Variants in CDH4 observed in about 807,000 individuals in gnomAD.
The protein encoded by CDH4 is cadherin-4.
In CDH4, 33 loss-of-function variants were observed where a neutral mutation model predicts 86.0. The ratio of observed to expected loss-of-function variants is 0.38; its 90% confidence interval spans 0.29 to 0.51. CDH4 has a LOEUF of 0.51. Ranked by LOEUF, CDH4 falls within the 20% of genes least tolerant of loss-of-function variation. The probability of loss-of-function intolerance (pLI) is 0.86; values close to 1 mark genes in which losing one functional copy is unlikely to be tolerated. For synonymous variants in CDH4, 555 were observed against 549.4 expected, an observed-to-expected ratio of 1.01 and a Z score of -0.14; for missense variants, 1,114 against 1,307.4, an observed-to-expected ratio of 0.85 and a Z score of 2.28.
intron 6 of CDH4, among the ~76,000 whole-genome samples, chr20:61,869,520 G>A (rs763304465): frequency 3.9e-5 from 6 of 152,356 alleles, no homozygotes; most frequent in African/African-American, 9.6e-5. Context: ...ACCCAGCCAC[G>A]TTCCTCGTCT....
At chr20:61,803,135 G>A (rs527272437) in intron 4 of CDH4, among the ~76,000 whole-genome samples, 1 of 152,330 alleles carries the variant, frequency 6.6e-6, no homozygotes, top group African/African-American at 2.4e-5. Context: ...TCGCAGCTCC[G>A]TCGTTGACGG....
At chr20:61,630,218 G>A (rs2086873009) in intron 2 of CDH4, among the ~76,000 whole-genome samples, 1 of 152,200 alleles carries the variant, frequency 6.6e-6, no homozygotes, top group African/African-American at 2.4e-5. Flanking sequence ...GTTATGCCTT[G>A]GTGTGTGTGC....
At chr20:61,915,561 G>A (rs552141033) in intron 9 of CDH4, among the ~76,000 whole-genome samples, 2 of 152,364 alleles carry the variant, frequency 1.3e-5, no homozygotes, top group East Asian at 3.9e-4. Flanking sequence ...AAGCTGCTCA[G>A]CCGTCAAAAG....
At position 61,264,868 on chromosome 20, in the gene CDH4, T is replaced by C. The variant is rs960863119; in HGVS notation, c.169+9931T>C. ...TCCTACACATACCCCAGTGGCTTCT[T>C]CATTCAGTCCTACACATACCCCAGT... On this transcript the variant is annotated intron_variant, in intron 2 of 15. Transcript: ENST00000614565. 3.5e-5 allele frequency among the ~76,000 whole-genome samples: 5 copies of C among 144,740 alleles called. No individual in the cohort carries two copies. In the East Asian group the frequency reaches 8.7e-4, roughly 25 times the overall value. 95.0% of individuals were successfully genotyped at this position (144,740 alleles called of 152,430 possible). A position where few individuals can be genotyped will look rare whatever the true frequency, so the allele number is the denominator to read the frequency against.
chr20:61,658,636 T>A (rs1180309315), intron 2 of CDH4, among the ~76,000 whole-genome samples: 1 of 152,118 alleles, frequency 6.6e-6, no homozygotes, highest in Non-Finnish European at 1.5e-5. Flanking sequence ...CCCATACATG[T>A]CCTGGCCCAG....
At chr20:61,607,264 C>G (rs1198505186) in intron 2 of CDH4, among the ~76,000 whole-genome samples, 1 of 152,170 alleles carries the variant, frequency 6.6e-6, no homozygotes, top group African/African-American at 2.4e-5. Flanking sequence ...GAGATGTTTT[C>G]CTTGCTAATA....
chr20:61,555,892 T>C (rs951890911), intron 2 of CDH4, among the ~76,000 whole-genome samples: 1 of 152,224 alleles, frequency 6.6e-6, no homozygotes. Context: ...CGTGTGACAA[T>C]GTGATTCCAT....
intron 3 of CDH4, among the ~76,000 whole-genome samples, chr20:61,751,330 G>T (rs1314799963): frequency 6.6e-6 from 1 of 152,136 alleles, no homozygotes; most frequent in Non-Finnish European, 1.5e-5. Context: ...AATGTTCCCT[G>T]GGGGGCAAAA....
chr20:61,352,295 A>G (rs549273096), intron 2 of CDH4, among the ~76,000 whole-genome samples: 5 of 152,336 alleles, frequency 3.3e-5, no homozygotes, highest in African/African-American at 9.6e-5. Flanking sequence ...ATTGAAATAC[A>G]TGCCGTGTCG....
chr20:61,787,511 C>G (rs1978947597), intron 4 of CDH4, among the ~76,000 whole-genome samples: 1 of 152,200 alleles, frequency 6.6e-6, no homozygotes, highest in South Asian at 2.1e-4. Context: ...CCTCCCACAA[C>G]ACAGAGGGAT....
At chr20:61,866,947 C>CT (rs1220974637) in intron 6 of CDH4, among the ~76,000 whole-genome samples, 4 of 152,238 alleles carry the variant, frequency 2.6e-5, no homozygotes, top group Admixed American at 6.5e-5. Flanking sequence ...AAAGAGGGGC[C>CT]TCCCAAAGAG....
At chr20:61,265,905 G>A (rs903443916) in intron 2 of CDH4, among the ~76,000 whole-genome samples, 1 of 152,238 alleles carries the variant, frequency 6.6e-6, no homozygotes. Flanking sequence ...TTAGGACTCA[G>A]AGGGGCAGTG....
intron 7 of CDH4, among the ~76,000 whole-genome samples, chr20:61,880,284 T>C (rs1259901120): frequency 6.6e-6 from 1 of 152,164 alleles, no homozygotes; most frequent in Non-Finnish European, 1.5e-5. Context: ...GGCAGTAGCC[T>C]GGGGCAGGCG....
chr20:61,929,562 A>T (rs773896333), intron 12 of CDH4, 47 bp from the exon 13 acceptor site: 1 of 1,462,558 alleles, frequency 6.8e-7, no homozygotes, highest in African/African-American at 1.4e-5. Flanking sequence ...CTTGCTTGGA[A>T]GCGAGGGCCG....
At chr20:61,794,392 C>T (rs1386574070) in intron 4 of CDH4, among the ~76,000 whole-genome samples, 2 of 152,156 alleles carry the variant, frequency 1.3e-5, no homozygotes, top group Non-Finnish European at 2.9e-5. Flanking sequence ...ACCCGTCGTT[C>T]CCCCACTTCC....
chr20:61,559,509 A>ATTTTTT (rs1347282522), intron 2 of CDH4, among the ~76,000 whole-genome samples: 2 of 107,796 alleles, frequency 1.9e-5, no homozygotes, highest in African/African-American at 8.3e-5. Context: ...TTTCTTTTTA[A>ATTTTTT]TTTTTTTTTC....
At chr20:61,893,661 G>A (rs1437393482) in intron 7 of CDH4, among the ~76,000 whole-genome samples, 1 of 150,552 alleles carries the variant, frequency 6.6e-6, no homozygotes, top group Admixed American at 6.6e-5. Context: ...ATGGATGGGT[G>A]AATAGAGGGA....
intron 3 of CDH4, among the ~76,000 whole-genome samples, chr20:61,751,417 C>G (rs1336386097): frequency 6.6e-6 from 1 of 152,174 alleles, no homozygotes; most frequent in Non-Finnish European, 1.5e-5. Flanking sequence ...TAGATAGACA[C>G]TTGGAACAAA....
rs1426803283 is a variant in CDH4 at position 61,417,152 on chromosome 20, CCTT to C, written c.169+162223_169+162225del. Among the ~76,000 whole-genome samples the C allele has an allele frequency of 2.0e-5, 3 of 152,124 alleles. No individual in the cohort carries two copies. Among genetic ancestry groups the C allele is most frequent in the Admixed American group, 6.5e-5 (1 of 15,280 alleles). ...AAAACCCAGATTCTGTGGCCTATTT[CCTT>C]CTTCTTCAGAAAAGGACTCTGTTGG... On this transcript the variant is annotated intron_variant, in intron 2 of 15. Transcript: ENST00000614565. This position sits in a 1 kb window ranked among gnomAD's most constrained non-coding sequence, Gnocchi z 4.0.
Sources: gnomAD v4.1 joint callset for allele counts (sites outside exome capture counted in the v4.1 genomes callset) on GRCh38, gnomAD v4.1.1 for gene constraint, Gnocchi (gnomAD v3.1) non-coding constraint, MANE v1.5 for transcripts, NCBI Gene and HGNC (gene_info 2026-07-23, HGNC 2026-07-21) for gene names.